DLGAP1: variants seen among roughly 807,000 people sequenced by gnomAD.
The protein encoded by DLGAP1 is disks large-associated protein 1.
In DLGAP1, 11 loss-of-function variants were observed where a neutral mutation model predicts 90.8. The ratio of observed to expected loss-of-function variants is 0.12; its 90% CI spans 0.08 to 0.20. The LOEUF is 0.20. DLGAP1 is among the 10% of genes least tolerant of loss of function. The probability of loss-of-function intolerance (pLI) is 1.00; values close to 1 mark genes in which losing one functional copy is unlikely to be tolerated. For missense variants in DLGAP1, 1,050 were observed against 1,333.8 expected (o/e 0.79, Z 3.31); for synonymous variants, 558 against 540.7 (o/e 1.03, Z -0.44).
intron 9 of DLGAP1, among the ~76,000 whole-genome samples, chr18:3,543,965 G>A (rs1389082401): frequency 6.8e-6 from 1 of 147,264 alleles, no homozygotes; most frequent in Non-Finnish European, 1.5e-5. Flanking sequence ...CCAAGACTGG[G>A]ATATCTTTAT....
At chr18:3,940,199 A>G (rs2072738550) in intron 3 of DLGAP1, among the ~76,000 whole-genome samples, 1 of 152,218 alleles carries the variant, frequency 6.6e-6, no homozygotes, top group Admixed American at 6.5e-5. Context: ...GCAAACAGCT[A>G]CCATGCAATT....
chr18:4,340,646 A>T (rs1188210137), intron 1 of DLGAP1, among the ~76,000 whole-genome samples: 2 of 152,140 alleles, frequency 1.3e-5, no homozygotes, highest in Admixed American at 6.5e-5. Flanking sequence ...CTATAGTTGA[A>T]GAGACCAAGA....
intron 7 of DLGAP1, among the ~76,000 whole-genome samples, chr18:3,585,507 AAAATGGATT>A (rs1373391340): frequency 6.6e-6 from 1 of 152,282 alleles, no homozygotes; most frequent in Non-Finnish European, 1.5e-5. Context: ...TATTTTGTTC[AAAATGGATT>A]CTCAGGACAT....
At chr18:3,906,131 G>C (rs756994729) in intron 3 of DLGAP1, among the ~76,000 whole-genome samples, 1 of 152,136 alleles carries the variant, frequency 6.6e-6, no homozygotes, top group East Asian at 1.9e-4. Flanking sequence ...TGGATAACAG[G>C]CTTTTGAAAT....
intron 7 of DLGAP1, among the ~76,000 whole-genome samples, chr18:3,616,709 T>C (rs2057883758): frequency 6.6e-6 from 1 of 152,068 alleles, no homozygotes; most frequent in South Asian, 2.1e-4. Flanking sequence ...GAGCCGTGAT[T>C]GTGCCACTTA....
intron 2 of DLGAP1, among the ~76,000 whole-genome samples, chr18:4,093,757 TTA>T (rs1287802073): frequency 6.6e-6 from 1 of 152,174 alleles, no homozygotes. Context: ...TGTCTGCTTT[TTA>T]TTATAAAATT....
chr18:4,260,302 G>A (rs1598746292), intron 1 of DLGAP1, among the ~76,000 whole-genome samples: 1 of 152,260 alleles, frequency 6.6e-6, no homozygotes, highest in East Asian at 1.9e-4. Flanking sequence ...GATGAACACA[G>A]AGGCAAAGCA....
chr18:4,168,511 T>C (rs1202262501), intron 1 of DLGAP1, among the ~76,000 whole-genome samples: 1 of 152,062 alleles, frequency 6.6e-6, no homozygotes, highest in African/African-American at 2.4e-5. Context: ...TTTTTCACCT[T>C]CCCAAACTAA....
chr18:4,122,988 G>C (rs2076177242), intron 2 of DLGAP1, among the ~76,000 whole-genome samples: 1 of 152,204 alleles, frequency 6.6e-6, no homozygotes, highest in African/African-American at 2.4e-5. Flanking sequence ...CCAAGGGTAA[G>C]AACTGGGGCT....
chr18:4,132,943 T>C (rs915388705), intron 2 of DLGAP1, among the ~76,000 whole-genome samples: 2 of 152,166 alleles, frequency 1.3e-5, no homozygotes, highest in South Asian at 2.1e-4. Context: ...GTTACCAGCA[T>C]TGGTAATGCA....
chr18:4,297,894 C>T (rs191854295), intron 1 of DLGAP1, among the ~76,000 whole-genome samples: 7 of 152,124 alleles, frequency 4.6e-5, no homozygotes, highest in Middle Eastern at 3.4e-3. Flanking sequence ...CTAATGCAAA[C>T]GCAGGTAAAC....
At chr18:3,712,841 AAGAT>A (rs1336942009) in intron 7 of DLGAP1, among the ~76,000 whole-genome samples, 1 of 152,228 alleles carries the variant, frequency 6.6e-6, no homozygotes, top group Non-Finnish European at 1.5e-5. Context: ...GTGCACCGAA[AAGAT>A]AGAAGCGGAA....
Position 3,813,277 on chromosome 18 carries a change from T to C in DLGAP1, c.1172+782A>G, listed in dbSNP as rs541919097. On this transcript the variant is annotated intron_variant, in intron 5 of 12. Transcript: ENST00000315677. ...TATTTACATAAACAAATACTTACCA[T>C]TGTGTGAGAGTCGCCCACAGCATTC... Among the ~76,000 whole-genome samples, 6 of 152,310 alleles carry C rather than the reference T, an allele frequency of 3.9e-5. No homozygotes were observed. In the East Asian group the frequency reaches 5.8e-4, roughly 15 times the overall value.
intron 2 of DLGAP1, among the ~76,000 whole-genome samples, chr18:4,113,996 C>T (rs1051442546): frequency 2.0e-5 from 3 of 146,926 alleles, no homozygotes; most frequent in East Asian, 2.0e-4. Context: ...CAGTACCATG[C>T]TGTTTTAATT....
intron 2 of DLGAP1, among the ~76,000 whole-genome samples, chr18:4,070,155 G>C (rs1429088897): frequency 1.3e-5 from 2 of 151,946 alleles, no homozygotes; most frequent in Non-Finnish European, 2.9e-5. Context: ...GCTAATTTTT[G>C]TATTTTTAGT....
intron 8 of DLGAP1, among the ~76,000 whole-genome samples, chr18:3,568,995 ATTTT>A (rs2054606893): frequency 6.9e-6 from 1 of 145,182 alleles, no homozygotes; most frequent in Non-Finnish European, 1.5e-5. Context: ...CTAAATGATT[ATTTT>A]ATTTTATTTT....
chr18:4,389,648 C>T (rs928834033), intron 1 of DLGAP1, among the ~76,000 whole-genome samples: 4 of 152,098 alleles, frequency 2.6e-5, no homozygotes, highest in African/African-American at 9.7e-5. Context: ...CATGGATTAT[C>T]CAAAATTACT....
At chr18:4,357,483 GT>G (rs932161689) in intron 1 of DLGAP1, among the ~76,000 whole-genome samples, 1 of 152,100 alleles carries the variant, frequency 6.6e-6, no homozygotes, top group Non-Finnish European at 1.5e-5. Context: ...ATTTTTGTCT[GT>G]TTTTTCACTT....
intron 7 of DLGAP1, among the ~76,000 whole-genome samples, chr18:3,605,506 C>T (rs1380386971): frequency 6.6e-6 from 1 of 152,192 alleles, no homozygotes; most frequent in Non-Finnish European, 1.5e-5. Context: ...TGGATAGTTA[C>T]TTTAAAGTAT....
Sources: gnomAD v4.1 joint callset for allele counts (sites outside exome capture counted in the v4.1 genomes callset) on GRCh38, gnomAD v4.1.1 for gene constraint, MANE v1.5 for transcripts, NCBI Gene and HGNC (gene_info 2026-07-23, HGNC 2026-07-21) for gene names.